The following NEGR1 variants were observed in gnomAD, a reference collection of about 807,000 sequenced individuals.
NEGR1 encodes neuronal growth regulator 1.
NEGR1 carries 10 observed loss-of-function variants against 40.9 expected under a neutral mutation model. That is an observed-to-expected ratio of 0.24 (90% CI 0.15 to 0.42). The LOEUF (loss-of-function observed/expected upper bound fraction) is 0.42, where lower values mean the gene tolerates loss of function less well. Ranked by LOEUF, NEGR1 falls within the 10% of genes least tolerant of loss-of-function variation. The pLI, the probability that NEGR1 is intolerant of heterozygous loss-of-function variation, is 1.00. For missense variants in NEGR1, 352 were observed against 438.9 expected, an observed-to-expected ratio of 0.80 and a Z score of 1.77; for synonymous variants, 185 against 166.8, an observed-to-expected ratio of 1.11 and a Z score of -0.84.
At chr1:71,409,392 T>C (rs1167447505) in intron 6 of NEGR1, among the ~76,000 whole-genome samples, 1 of 151,948 alleles carries the variant, frequency 6.6e-6, no homozygotes, top group East Asian at 1.9e-4. Context: ...AAATAAGAAA[T>C]AAAATTTAAA....
At chr1:71,453,659 A>G (rs1031175070) in intron 6 of NEGR1, among the ~76,000 whole-genome samples, 5 of 152,194 alleles carry the variant, frequency 3.3e-5, no homozygotes, top group East Asian at 3.8e-4. Flanking sequence ...AGCTTTTTCA[A>G]TAAGATGTAG....
intron 6 of NEGR1, chr1:71,408,962 T>C: frequency 6.6e-6 from 1 of 152,050 alleles, no homozygotes; most frequent in East Asian, 1.9e-4. Flanking sequence ...GAAAGATACA[T>C]TGGTCCCTGC....
intron 1 of NEGR1, among the ~76,000 whole-genome samples, chr1:72,037,110 T>A (rs778929299): frequency 4.2e-4 from 64 of 152,268 alleles, no homozygotes; most frequent in Non-Finnish European, 7.6e-4. Flanking sequence ...CTGTTGTAAA[T>A]AAATTTGTAT....
At chr1:72,202,094 C>G (rs983164594) in intron 1 of NEGR1, among the ~76,000 whole-genome samples, 1 of 151,882 alleles carries the variant, frequency 6.6e-6, no homozygotes, top group African/African-American at 2.4e-5. Context: ...GTAAGTCAAA[C>G]ATTTTAATTA....
intron 4 of NEGR1, among the ~76,000 whole-genome samples, chr1:71,657,814 T>G (rs1280857669): frequency 6.6e-6 from 1 of 152,232 alleles, no homozygotes; most frequent in Non-Finnish European, 1.5e-5. Context: ...ACTAGTGCTT[T>G]CTTTCATAAT....
chr1:72,089,589 G>T (rs2630379), intron 1 of NEGR1, among the ~76,000 whole-genome samples: 149,008 of 152,278 alleles, frequency 0.98, 72,999 homozygotes, highest in Middle Eastern at 1. Context: ...TATTCTTTTA[G>T]GAAATATGTT....
chr1:71,885,617 A>G (rs929060363), intron 2 of NEGR1, among the ~76,000 whole-genome samples: 7 of 152,212 alleles, frequency 4.6e-5, no homozygotes, highest in African/African-American at 1.7e-4. Context: ...GAGGCAATAT[A>G]ATAACCTTGG....
chr1:71,806,644 G>A (rs547111948), intron 2 of NEGR1, among the ~76,000 whole-genome samples: 2 of 152,118 alleles, frequency 1.3e-5, no homozygotes, highest in African/African-American at 4.8e-5. Context: ...CAAAACTGTG[G>A]TAAGCTATTT....
intron 1 of NEGR1, among the ~76,000 whole-genome samples, chr1:72,280,190 C>T (rs1364662903): frequency 2.0e-5 from 3 of 151,990 alleles, no homozygotes; most frequent in Non-Finnish European, 4.4e-5. Flanking sequence ...ATATATGGTC[C>T]CCACATATTA....
intron 6 of NEGR1, among the ~76,000 whole-genome samples, chr1:71,539,991 C>T (rs947185200): frequency 6.6e-6 from 1 of 151,674 alleles, no homozygotes; most frequent in African/African-American, 2.4e-5. Flanking sequence ...TTACAACCAA[C>T]CAAAATGTTT....
intron 4 of NEGR1, among the ~76,000 whole-genome samples, chr1:71,620,674 T>C (rs1028975980): frequency 1.1e-4 from 16 of 152,100 alleles, no homozygotes; most frequent in Admixed American, 5.9e-4. Context: ...TTCCAAAATA[T>C]AGTTGAATCA....
intron 3 of NEGR1, among the ~76,000 whole-genome samples, chr1:71,720,834 G>A (rs939675791): frequency 7.2e-5 from 11 of 152,134 alleles, no homozygotes; most frequent in African/African-American, 2.7e-4. Flanking sequence ...ACCTAAATGT[G>A]AGCATTATTT....
At chr1:72,036,907 G>A (rs990517536) in intron 1 of NEGR1, among the ~76,000 whole-genome samples, 1 of 151,938 alleles carries the variant, frequency 6.6e-6, no homozygotes, top group Non-Finnish European at 1.5e-5. Context: ...AAAATGTGTG[G>A]CACAAGGTAG....
intron 2 of NEGR1, among the ~76,000 whole-genome samples, chr1:71,904,879 T>C (rs1661234409): frequency 6.6e-6 from 1 of 152,122 alleles, no homozygotes; most frequent in Admixed American, 6.6e-5. Context: ...TTTTAATACA[T>C]TCAATATCCA....
chr1:71,627,761 A>C (rs528450950), intron 4 of NEGR1, among the ~76,000 whole-genome samples: 39 of 152,124 alleles, frequency 2.6e-4, no homozygotes, highest in African/African-American at 9.1e-4. Context: ...TCATTCTCAA[A>C]ATCTCCTATG....
chr1:71,616,376 G>T (rs1570110299), intron 4 of NEGR1, among the ~76,000 whole-genome samples: 1 of 152,200 alleles, frequency 6.6e-6, no homozygotes, highest in Non-Finnish European at 1.5e-5. Flanking sequence ...GGGATCTAAG[G>T]TGCACACTCC....
chr1:71,652,387 T>C (rs1409779651), intron 4 of NEGR1, among the ~76,000 whole-genome samples: 1 of 152,200 alleles, frequency 6.6e-6, no homozygotes, highest in Non-Finnish European at 1.5e-5. Flanking sequence ...TTTTCTCATT[T>C]TTTAAACCAG....
At chr1:72,173,826 C>T (rs1034580958) in intron 1 of NEGR1, among the ~76,000 whole-genome samples, 2 of 152,016 alleles carry the variant, frequency 1.3e-5, no homozygotes, top group African/African-American at 2.4e-5. Flanking sequence ...ACCTGTCATC[C>T]CAGCTACTCA....
chr1:71,994,267 G>A (rs567869156), intron 1 of NEGR1, among the ~76,000 whole-genome samples: 13 of 152,184 alleles, frequency 8.5e-5, no homozygotes, highest in Non-Finnish European at 1.2e-4. Context: ...GGTGGCTCAC[G>A]CCTGTAATCC....
Sources: gnomAD v4.1 joint callset for allele counts (sites outside exome capture counted in the v4.1 genomes callset) on GRCh38, gnomAD v4.1.1 for gene constraint, MANE v1.5 for transcripts, NCBI Gene and HGNC (gene_info 2026-07-23, HGNC 2026-07-21) for gene names.